Variants in GRAMD1B observed in about 807,000 individuals in gnomAD.
GRAMD1B encodes GRAM domain containing 1B, also known as protein Aster-B.
Under a neutral mutation model 99.7 loss-of-function variants are expected in GRAMD1B, and 37 were observed. The ratio of observed to expected loss-of-function variants is 0.37; its 90% CI spans 0.29 to 0.49. GRAMD1B has a LOEUF of 0.49. Ranked by LOEUF, GRAMD1B falls within the 20% of genes least tolerant of loss-of-function variation. The pLI is 0.98. For missense variants in GRAMD1B, 888 were observed against 1,009.2 expected (o/e 0.88, Z 1.63); for synonymous variants, 427 against 387.6 (o/e 1.10, Z -1.19).
chr11:123,446,291 G>A (rs535426015), intron 1 of GRAMD1B, among the ~76,000 whole-genome samples: 1 of 152,148 alleles, frequency 6.6e-6, no homozygotes, highest in East Asian at 1.9e-4. Flanking sequence ...TCAGCCTCCC[G>A]AGTAGCTGGG....
chr11:123,459,148 G>A (rs1287298574), intron 1 of GRAMD1B: 1 of 152,162 alleles, frequency 6.6e-6, no homozygotes, highest in East Asian at 1.9e-4. Flanking sequence ...ATGGTGACCA[G>A]CCCTTGGAGT....
At chr11:123,401,736 T>C (rs573135608) in intron 1 of GRAMD1B, among the ~76,000 whole-genome samples, 6 of 151,730 alleles carry the variant, frequency 4.0e-5, no homozygotes, top group Non-Finnish European at 7.4e-5. Flanking sequence ...AATAAGTAAA[T>C]AAATAAAAAC....
rs376868033 is a variant in GRAMD1B at position 123,605,037 on chromosome 11, C to A, written c.1167-285C>A. Among the ~76,000 whole-genome samples, 3 of 151,794 alleles carry A rather than the reference C, an allele frequency of 2.0e-5. No homozygotes were observed. In the South Asian group the frequency reaches 6.2e-4, roughly 32 times the overall value. On this transcript the variant is annotated intron_variant, in intron 9 of 19. Transcript: ENST00000635736. ...AAAAAAATAGCTTAAGACAAATAAT[C>A]CTTTCAGTTAGGTAGGGATAACTCT... is the stretch of plus-strand genomic sequence containing the variant.
chr11:123,384,521 G>C (rs1164516199), intron 1 of GRAMD1B, among the ~76,000 whole-genome samples: 1 of 152,136 alleles, frequency 6.6e-6, no homozygotes, highest in Admixed American at 6.5e-5. Flanking sequence ...TGTAGATGTT[G>C]CTAGTAATTG....
chr11:123,515,546 TGAGGTCTTAGAACGGA>T (rs1401309092), intron 2 of GRAMD1B, among the ~76,000 whole-genome samples: 2 of 152,134 alleles, frequency 1.3e-5, no homozygotes, highest in Non-Finnish European at 2.9e-5. Context: ...CCTTATAGGA[TGAGGTCTTAGAACGGA>T]GAGCCTTCTT....
intron 2 of GRAMD1B, among the ~76,000 whole-genome samples, chr11:123,538,988 A>G (rs1257092482): frequency 2.6e-5 from 4 of 152,048 alleles, no homozygotes; most frequent in Admixed American, 2.6e-4. Context: ...TTCACTTAGC[A>G]TAACATTTTC....
intron 1 of GRAMD1B, among the ~76,000 whole-genome samples, chr11:123,383,484 T>C (rs1045517916): frequency 8.5e-5 from 13 of 152,202 alleles, no homozygotes; most frequent in African/African-American, 2.7e-4. Flanking sequence ...TTAAAGACTA[T>C]GTATCTTTAT....
intron 1 of GRAMD1B, among the ~76,000 whole-genome samples, chr11:123,423,288 T>C (rs551276907): frequency 6.6e-6 from 1 of 150,688 alleles, no homozygotes; most frequent in Non-Finnish European, 1.5e-5. Flanking sequence ...AAAAAAACCT[T>C]ATCCCCAACC....
intron 17 of GRAMD1B, among the ~76,000 whole-genome samples, chr11:123,616,744 G>A (rs369600179): frequency 2.8e-4 from 43 of 152,272 alleles, no homozygotes; most frequent in African/African-American, 9.9e-4. Flanking sequence ...TCTCTATTTC[G>A]ACAACTGCGC....
At chr11:123,549,232 G>A (rs1480397682) in intron 2 of GRAMD1B, among the ~76,000 whole-genome samples, 2 of 152,120 alleles carry the variant, frequency 1.3e-5, no homozygotes, top group Non-Finnish European at 2.9e-5. Flanking sequence ...CTTAACACTT[G>A]CAGAGCTGTG....
chr11:123,363,833 A>G (rs1946229334), intron 1 of GRAMD1B, among the ~76,000 whole-genome samples: 1 of 152,222 alleles, frequency 6.6e-6, no homozygotes, highest in African/African-American at 2.4e-5. Context: ...GTGAGAACAC[A>G]AAGCAGATGA....
At chr11:123,602,238 T>C (rs1952071044) in intron 8 of GRAMD1B, among the ~76,000 whole-genome samples, 1 of 152,176 alleles carries the variant, frequency 6.6e-6, no homozygotes, top group South Asian at 2.1e-4. Flanking sequence ...TCCTAGCTCA[T>C]TGTACTCTGC....
intron 15 of GRAMD1B, 25 bp downstream of exon 15, chr11:123,612,889 A>G: frequency 7.5e-7 from 1 of 1,338,906 alleles, no homozygotes; most frequent in Non-Finnish European, 1.1e-6. Flanking sequence ...CCTTGCTGCT[A>G]GCTGGGCTGC....
chr11:123,368,702 A>AAG (rs397770771), intron 1 of GRAMD1B, among the ~76,000 whole-genome samples: 1 of 145,472 alleles, frequency 6.9e-6, no homozygotes, highest in African/African-American at 2.6e-5. Context: ...AAAAAAAAAA[A>AAG]GAAAGAAAGA....
At chr11:123,505,742 T>C (rs528666451) in intron 2 of GRAMD1B, among the ~76,000 whole-genome samples, 1 of 152,240 alleles carries the variant, frequency 6.6e-6, no homozygotes, top group African/African-American at 2.4e-5. Context: ...TAGAAGTTGA[T>C]GGTTAACAAG....
intron 2 of GRAMD1B, among the ~76,000 whole-genome samples, chr11:123,535,151 G>A (rs986417093): frequency 3.3e-5 from 5 of 152,074 alleles, no homozygotes; most frequent in African/African-American, 7.2e-5. Flanking sequence ...TGGGCAGGAC[G>A]CTTGGGGCTG....
Position 123,624,864 on chromosome 11 carries a change from G to A in GRAMD1B, c.*2269G>A, listed in dbSNP as rs1398366696. 2.0e-5 allele frequency: 3 copies of A among 152,178 alleles called. No individual in the cohort carries two copies. The highest frequency in any genetic ancestry group is 7.2e-5 in the African/African-American group (3 of 41,428). 9.4% of individuals were successfully genotyped at this position (152,178 alleles called of 1,614,324 possible). A position where few individuals can be genotyped will look rare whatever the true frequency, so the allele number is the denominator to read the frequency against. ...AGAGCAGACCTGGCCGCAGGGAGTT[G>A]TTCTGCTTCTGCTTTACCTCTCAGG... is the stretch of plus-strand genomic sequence containing the variant. On this transcript the variant is annotated 3_prime_UTR_variant, in exon 20 of 20. Coordinates refer to ENST00000635736, the MANE Select transcript of GRAMD1B (RefSeq NM_001387025.1).
At chr11:123,621,861 C>T (rs1049331064) in intron 19 of GRAMD1B, among the ~76,000 whole-genome samples, 3 of 88,012 alleles carry the variant, frequency 3.4e-5, no homozygotes, top group Admixed American at 1.3e-4. Context: ...GATTGTCTTT[C>T]TTTCTTTTCT....
At position 123,603,503 on chromosome 11, in the gene GRAMD1B, G is replaced by T; in HGVS notation, c.1128G>T (p.Glu376Asp). The T allele has an allele frequency of 6.2e-7, 1 of 1,613,498 alleles. No individual in the cohort carries two copies. Among genetic ancestry groups the T allele is most frequent in the Non-Finnish European group, 8.5e-7 (1 of 1,179,410 alleles). The change falls in exon 9 of 20, where the codon GAG becomes GAT. Residue 376 changes from glutamate to aspartate, a missense_variant. Physicochemically the swap from Glu to Asp is conservative, Grantham distance 45 (BLOSUM62 2). Transcript: ENST00000635736. Reference sequence around the variant, plus strand: ...AATTGGGCCTGACCAGTGATGACGAGGACTACGTGCCCCCTGACGACGACT... The same window carrying T: ...AATTGGGCCTGACCAGTGATGACGATGACTACGTGCCCCCTGACGACGACT... ...GNELGLTSDD[E>D]DYVPPDDDFN...
Sources: gnomAD v4.1 joint callset for allele counts (sites outside exome capture counted in the v4.1 genomes callset) on GRCh38, gnomAD v4.1.1 for gene constraint, MANE v1.5 for transcripts, NCBI Gene and HGNC (gene_info 2026-07-23, HGNC 2026-07-21) for gene names.